GPC6: variants seen among roughly 807,000 people sequenced by gnomAD.
GPC6 encodes glypican 6.
A neutral mutation model predicts 55.2 loss-of-function variants in GPC6; 14 were observed. The observed-to-expected ratio is 0.25, with a 90% CI of 0.17 to 0.40. GPC6 has a LOEUF of 0.40. GPC6 is among the 10% of genes least tolerant of loss of function. The probability of loss-of-function intolerance (pLI) is 1.00; values close to 1 mark genes in which losing one functional copy is unlikely to be tolerated. For synonymous variants in GPC6, 278 were observed against 259.6 expected, an observed-to-expected ratio of 1.07 and a Z score of -0.68; for missense variants, 641 against 708.5, an observed-to-expected ratio of 0.90 and a Z score of 1.08.
At position 93,671,475 on chromosome 13, in the gene GPC6, C is replaced by CTGTT. The variant is rs374700986; in HGVS notation, c.319+126055_319+126058dup. Among the ~76,000 whole-genome samples the CTGTT allele has an allele frequency of 1.3e-3, 196 of 152,172 alleles. 1 individual carries two copies. The highest frequency in any genetic ancestry group is 4.5e-3 in the African/African-American group (187 of 41,518). ...AACTAAAGTAAGCTTTTCTGAAAAGCTGTTCTGTTGTATCTTCCCTCTGGG... is the reference window on the plus strand; with the variant it reads ...AACTAAAGTAAGCTTTTCTGAAAAGCTGTTTGTTCTGTTGTATCTTCCCTCTGGG... On this transcript the variant is annotated intron_variant, in intron 2 of 8. Transcript: ENST00000377047.
At chr13:94,054,758 G>T (rs1884073660) in intron 4 of GPC6, among the ~76,000 whole-genome samples, 1 of 152,146 alleles carries the variant, frequency 6.6e-6, no homozygotes, top group African/African-American at 2.4e-5. Flanking sequence ...TACCAAGTGG[G>T]TTAGGAGACC....
chr13:93,487,604 G>T (rs1398838827), intron 1 of GPC6, among the ~76,000 whole-genome samples: 1 of 152,154 alleles, frequency 6.6e-6, no homozygotes, highest in Non-Finnish European at 1.5e-5. Flanking sequence ...TGGATTGAGG[G>T]TTGATCATGT....
At chr13:93,658,327 A>G (rs868607909) in intron 2 of GPC6, among the ~76,000 whole-genome samples, 10 of 151,994 alleles carry the variant, frequency 6.6e-5, no homozygotes, top group African/African-American at 1.2e-4. Flanking sequence ...TTTAAAATAT[A>G]TCTGCATTGC....
chr13:93,868,558 A>G (rs1241447945), intron 3 of GPC6, among the ~76,000 whole-genome samples: 1 of 151,710 alleles, frequency 6.6e-6, no homozygotes, highest in Non-Finnish European at 1.5e-5. Context: ...ATTTATGGAG[A>G]AAAGGAAGGA....
intron 4 of GPC6, among the ~76,000 whole-genome samples, chr13:94,179,895 A>G (rs1888926040): frequency 6.6e-6 from 1 of 152,320 alleles, no homozygotes; most frequent in South Asian, 2.1e-4. Flanking sequence ...ATTTCACTCA[A>G]TAGATATTTA....
chr13:93,310,345 T>C (rs977619767), intron 1 of GPC6, among the ~76,000 whole-genome samples: 5 of 152,200 alleles, frequency 3.3e-5, no homozygotes, highest in Admixed American at 6.5e-5. Flanking sequence ...TGCTTCCTTC[T>C]ACGTCAGTTC....
chr13:93,753,741 C>T (rs1437140917), intron 2 of GPC6, among the ~76,000 whole-genome samples: 2 of 152,092 alleles, frequency 1.3e-5, no homozygotes, highest in African/African-American at 4.8e-5. Flanking sequence ...CACCCACCAC[C>T]CTTCCCAGCC....
chr13:93,481,718 A>G (rs1315411113), intron 1 of GPC6, among the ~76,000 whole-genome samples: 1 of 151,970 alleles, frequency 6.6e-6, no homozygotes, highest in Non-Finnish European at 1.5e-5. Flanking sequence ...TTGAATGGCC[A>G]TGGCACCCTT....
intron 1 of GPC6, among the ~76,000 whole-genome samples, chr13:93,359,826 A>C (rs1038268178): frequency 6.6e-6 from 1 of 152,162 alleles, no homozygotes; most frequent in Admixed American, 6.6e-5. Flanking sequence ...CATTCTGTTC[A>C]TATAATCTGA....
At position 93,505,422 on chromosome 13, in the gene GPC6, C is replaced by T. The variant is rs77830217; in HGVS notation, c.161-39841C>T. On this transcript the variant is annotated intron_variant, in intron 1 of 8. Transcript: ENST00000377047. ...GTTTAAAAACTCTCATTCTCTCTCT[C>T]ACACACGTGCACACACACACACACA... Among the ~76,000 whole-genome samples the T allele has an allele frequency of 2.1e-4, 29 of 136,220 alleles. No homozygotes were observed. The East Asian group carries it at 5.6e-3, about 26-fold the overall frequency. 89.4% of individuals were successfully genotyped at this position (136,220 alleles called of 152,430 possible).
intron 1 of GPC6, among the ~76,000 whole-genome samples, chr13:93,359,688 G>A (rs1259461757): frequency 6.6e-6 from 1 of 152,138 alleles, no homozygotes; most frequent in Non-Finnish European, 1.5e-5. Flanking sequence ...AAATGGTACT[G>A]CTAATGAGAG....
chr13:94,167,882 T>C (rs182409183), intron 4 of GPC6, among the ~76,000 whole-genome samples: 1 of 152,324 alleles, frequency 6.6e-6, no homozygotes, highest in East Asian at 1.9e-4. Context: ...AGTGAAGAAG[T>C]TGACTAATAA....
intron 3 of GPC6, among the ~76,000 whole-genome samples, chr13:93,929,771 A>C (rs1878059274): frequency 6.6e-6 from 1 of 152,050 alleles, no homozygotes; most frequent in African/African-American, 2.4e-5. Flanking sequence ...TAATTTAAAT[A>C]ATGTATTTTT....
intron 2 of GPC6, among the ~76,000 whole-genome samples, chr13:93,602,047 G>A (rs939602105): frequency 1.3e-5 from 2 of 152,000 alleles, no homozygotes; most frequent in Non-Finnish European, 2.9e-5. Context: ...CACCTATAAT[G>A]GACATTCTGT....
intron 1 of GPC6, among the ~76,000 whole-genome samples, chr13:93,430,221 TA>T (rs1396235719): frequency 5.3e-5 from 8 of 152,280 alleles, no homozygotes; most frequent in Admixed American, 4.6e-4. Flanking sequence ...TAAAGTGATA[TA>T]TTTTTTAAGT....
chr13:94,285,751 G>A (rs1892511786), intron 4 of GPC6, among the ~76,000 whole-genome samples: 1 of 152,210 alleles, frequency 6.6e-6, no homozygotes, highest in Admixed American at 6.5e-5. Flanking sequence ...CTTATAATGT[G>A]ATGGGTACCA....
chr13:93,598,184 A>AT (rs1426806375), intron 2 of GPC6, among the ~76,000 whole-genome samples: 1 of 152,082 alleles, frequency 6.6e-6, no homozygotes, highest in Non-Finnish European at 1.5e-5. Flanking sequence ...TTATATGTGG[A>AT]TTTTTTACTG....
chr13:94,244,990 A>G (rs1891156009), intron 4 of GPC6, among the ~76,000 whole-genome samples: 2 of 152,076 alleles, frequency 1.3e-5, no homozygotes, highest in African/African-American at 4.8e-5. Flanking sequence ...CACAGCTACC[A>G]TCTCACATCT....
intron 4 of GPC6, among the ~76,000 whole-genome samples, chr13:94,272,524 A>G (rs1403561125): frequency 6.3e-5 from 8 of 127,068 alleles, no homozygotes; most frequent in African/African-American, 1.6e-4. Flanking sequence ...GCTGGAGTGC[A>G]GTGGTGCCAT....
Sources: allele counts gnomAD v4.1 joint callset (sites outside exome capture counted in the v4.1 genomes callset), GRCh38; gene constraint gnomAD v4.1.1; transcripts MANE v1.5; gene names NCBI Gene and HGNC (gene_info 2026-07-23, HGNC 2026-07-21).